UGGT2: variants seen among roughly 807,000 people sequenced by gnomAD.
UGGT2 encodes the protein UDP-glucose glycoprotein glucosyltransferase 2.
In UGGT2, 180 loss-of-function variants were observed where a neutral mutation model predicts 192.1. The ratio of observed to expected loss-of-function variants is 0.94; its 90% CI spans 0.83 to 1.06. The LOEUF (loss-of-function observed/expected upper bound fraction) is 1.06, where lower values mean the gene tolerates loss of function less well. UGGT2 is among the 50% of genes least tolerant of loss of function. The pLI is 0.00. For synonymous variants in UGGT2, 580 were observed against 591.0 expected, an observed-to-expected ratio of 0.98 and a Z score of 0.27; for missense variants, 1,849 against 1,795.7, an observed-to-expected ratio of 1.03 and a Z score of -0.54.
intron 20 of UGGT2, among the ~76,000 whole-genome samples, chr13:95,912,147 A>T (rs546122126): frequency 2.6e-5 from 4 of 152,162 alleles, no homozygotes. Context: ...ATGGGCAAAA[A>T]CTGGAAGCAT....
chr13:96,052,106 T>C (rs2053502172), intron 1 of UGGT2, among the ~76,000 whole-genome samples: 2 of 152,286 alleles, frequency 1.3e-5, no homozygotes, highest in Admixed American at 1.3e-4. Context: ...GGATAAACTG[T>C]GGCATATATA....
chr13:95,891,965 T>C (rs938391239), intron 24 of UGGT2, among the ~76,000 whole-genome samples: 5 of 152,158 alleles, frequency 3.3e-5, no homozygotes, highest in African/African-American at 1.2e-4. Flanking sequence ...AAGAGGGGCA[T>C]AGTCAGACAA....
chr13:95,927,046 A>G lies in UGGT2; in HGVS notation c.2182T>C (p.Tyr728His). 1 of 1,608,172 alleles carries G rather than the reference A, an allele frequency of 6.2e-7. No homozygotes were observed. Among genetic ancestry groups the G allele is most frequent in the Non-Finnish European group, 8.5e-7 (1 of 1,178,218 alleles). Reference protein sequence around the residue: ...DKSAVIAKNMYYLTQDDESII... With the variant: ...DKSAVIAKNMHYLTQDDESII... Reference sequence around the variant, plus strand: ...TTATTACCGTCTTGGGTTAAATAATACATGTTCTTTGCAATTACAGCACTC... The same window carrying G: ...TTATTACCGTCTTGGGTTAAATAATGCATGTTCTTTGCAATTACAGCACTC... Residue 728 changes from tyrosine (Y) to histidine (H), a missense_variant, in exon 19 of 39, where the codon TAT (tyrosine) becomes CAT (histidine). By Grantham distance (83) the Tyr-to-His change is moderately conservative. Coordinates refer to ENST00000376747, the MANE Select transcript of UGGT2 (RefSeq NM_020121.4).
intron 10 of UGGT2, among the ~76,000 whole-genome samples, chr13:95,979,599 G>A (rs1296473973): frequency 7.2e-6 from 1 of 138,964 alleles, no homozygotes; most frequent in Non-Finnish European, 1.5e-5. Context: ...CCAACTTTTT[G>A]AAATCTTTCT....
chr13:95,947,297 G>T, intron 14 of UGGT2, 125 bp from the exon 15 acceptor site: 1 of 1,056,072 alleles, frequency 9.5e-7, no homozygotes, highest in Non-Finnish European at 1.3e-6. Flanking sequence ...CAGAGAAAAG[G>T]AGAATTTTAT....
chr13:95,938,084 G>A (rs895151205), intron 16 of UGGT2, among the ~76,000 whole-genome samples: 25 of 152,192 alleles, frequency 1.6e-4, no homozygotes, highest in African/African-American at 6.0e-4. Context: ...CATCATGTGA[G>A]ACATGCCTTT....
chr13:95,996,375 G>A (rs748702145), intron 6 of UGGT2, among the ~76,000 whole-genome samples: 1 of 151,992 alleles, frequency 6.6e-6, no homozygotes, highest in East Asian at 1.9e-4. Flanking sequence ...GGTGGTGTGC[G>A]CCTGCAGTCC....
intron 10 of UGGT2, chr13:95,983,516 A>G: frequency 1.0e-5 from 5 of 485,962 alleles, no homozygotes; most frequent in South Asian, 8.1e-5. Flanking sequence ...AATTACAAGA[A>G]ACAGAATAAT....
intron 12 of UGGT2, among the ~76,000 whole-genome samples, chr13:95,968,438 C>T (rs180816486): frequency 9.2e-5 from 14 of 152,214 alleles, no homozygotes; most frequent in East Asian, 3.9e-4. Flanking sequence ...CCAAATCTTA[C>T]GCTGAATTGT....
At chr13:96,014,024 T>C (rs2139075098) in intron 4 of UGGT2, among the ~76,000 whole-genome samples, 1 of 152,244 alleles carries the variant, frequency 6.6e-6, no homozygotes, top group South Asian at 2.1e-4. Flanking sequence ...TTACACTTAT[T>C]AGTAAATTCT....
At chr13:95,821,761 G>T (rs1433440193) in intron 38 of UGGT2, among the ~76,000 whole-genome samples, 1 of 152,082 alleles carries the variant, frequency 6.6e-6, no homozygotes, top group African/African-American at 2.4e-5. Flanking sequence ...TGGGGATGTG[G>T]TTTCATTCTT....
chr13:96,023,023 G>A lies in UGGT2; in HGVS notation c.485+17C>T. ...CTCTATAACCACTTCTTTCATTATA[G>A]GCTATTATTAATTTACCTTGAAGCA... On this transcript the variant is annotated intron_variant, in intron 4 of 38. Transcript: ENST00000376747. 1 of 1,551,920 alleles carries A rather than the reference G, an allele frequency of 6.4e-7. No homozygotes were observed. Among genetic ancestry groups the A allele is most frequent in the Admixed American group, 1.8e-5 (1 of 55,610 alleles).
At chr13:95,876,933 G>C (rs1184540114) in intron 29 of UGGT2, 1 of 156,022 alleles carries the variant, frequency 6.4e-6, no homozygotes, top group African/African-American at 2.6e-5. Flanking sequence ...TCCTGGGCTG[G>C]AGTGCAGTGG....
Position 95,927,036 on chromosome 13 carries a change from G to A in UGGT2, c.2192C>T (p.Thr731Ile), listed in dbSNP as rs769407387. 3.1e-6 allele frequency: 5 copies of A among 1,603,628 alleles called. No homozygotes were observed. The highest frequency in any genetic ancestry group is 2.3e-5 in the South Asian group (2 of 88,784). Residue 731 changes from threonine (T) to isoleucine (I), a missense_variant, in exon 19 of 39, where the codon ACC becomes ATC. Physicochemically the swap from Thr to Ile is moderately conservative, Grantham distance 89. Coordinates refer to ENST00000376747, the MANE Select transcript of UGGT2 (RefSeq NM_020121.4). ...TAAAATATGCTTATTACCGTCTTGG[G>A]TTAAATAATACATGTTCTTTGCAAT... is the stretch of plus-strand genomic sequence containing the variant. Reference protein sequence around the residue: ...AVIAKNMYYLTQDDESIISAV... With the variant: ...AVIAKNMYYLIQDDESIISAV...
intron 12 of UGGT2, among the ~76,000 whole-genome samples, chr13:95,956,917 T>C (rs1354779440): frequency 6.6e-6 from 1 of 152,218 alleles, no homozygotes; most frequent in African/African-American, 2.4e-5. Context: ...AGCCAAAAGT[T>C]AGCAGCAGTG....
intron 38 of UGGT2, among the ~76,000 whole-genome samples, chr13:95,829,939 C>G (rs944363684): frequency 6.6e-6 from 1 of 152,094 alleles, no homozygotes; most frequent in Non-Finnish European, 1.5e-5. Flanking sequence ...GAGGTATAGA[C>G]CAATGGAACA....
rs1389428426 is a variant in UGGT2 at position 96,050,477 on chromosome 13, A to C, written c.158+2678T>G. Among the ~76,000 whole-genome samples, 5 of 152,220 alleles carry C rather than the reference A, an allele frequency of 3.3e-5. No individual in the cohort carries two copies. In the East Asian group the frequency reaches 9.6e-4, roughly 29 times the overall value. ...ATGGCAACAAAAGCCAAAACTGACAAATGGGATCTAATTAAAGTAAAGAGC... is the reference window on the plus strand; with the variant it reads ...ATGGCAACAAAAGCCAAAACTGACACATGGGATCTAATTAAAGTAAAGAGC... On this transcript the variant is annotated intron_variant, in intron 1 of 38. Transcript: ENST00000376747.
chr13:95,877,224 T>C, intron 29 of UGGT2, 55 bp downstream of exon 29: 1 of 1,374,000 alleles, frequency 7.3e-7, no homozygotes, highest in Admixed American at 2.3e-5. Flanking sequence ...CTTGGTTGTA[T>C]TACACTAAAA....
chr13:95,877,748 C>A lies in UGGT2; in HGVS notation c.3337G>T (p.Gly1113Cys), dbSNP rs770011814. The A allele has an allele frequency of 6.2e-7, 1 of 1,613,946 alleles. No individual in the cohort carries two copies. The highest frequency in any genetic ancestry group is 8.5e-7 in the Non-Finnish European group (1 of 1,179,950). The change falls in exon 28 of 39, where the codon GGC becomes TGC. Residue 1113 changes from glycine to cysteine, a missense_variant. By Grantham distance (159) the Gly-to-Cys change is radical (BLOSUM62 -3). Coordinates refer to ENST00000376747, the MANE Select transcript of UGGT2 (RefSeq NM_020121.4). ...ACCACAGCAGGTTTATTTTTTGTGC[C>A]TAGTGTGAACTGCAGACCCCGAGGA... ...QPPRGLQFTL[G>C]TKNKPAVVDT...
Sources: allele counts gnomAD v4.1 joint callset (sites outside exome capture counted in the v4.1 genomes callset), GRCh38; gene constraint gnomAD v4.1.1; transcripts MANE v1.5; gene names NCBI Gene and HGNC (gene_info 2026-07-23, HGNC 2026-07-21).